The following MANBA variants were observed in gnomAD, a reference collection of about 807,000 sequenced individuals.
MANBA encodes the protein beta-mannosidase.
In MANBA, 83 loss-of-function variants were observed where a neutral mutation model predicts 111.1. The ratio of observed to expected loss-of-function variants is 0.75; its 90% confidence interval spans 0.63 to 0.90. The LOEUF is 0.90. Ranked by LOEUF, MANBA falls within the 40% of genes least tolerant of loss-of-function variation. MANBA has a pLI of 0.00. For synonymous variants in MANBA, 370 were observed against 378.7 expected, an observed-to-expected ratio of 0.98 and a Z score of 0.27; for missense variants, 1,036 against 1,069.0, an observed-to-expected ratio of 0.97 and a Z score of 0.43.
chr4:102,745,906 C>T (rs369020158), intron 1 of MANBA, among the ~76,000 whole-genome samples: 2 of 152,204 alleles, frequency 1.3e-5, no homozygotes, highest in African/African-American at 2.4e-5. Context: ...CTGAACCTCA[C>T]CTCTAGGGGT....
At chr4:102,650,904 C>T (rs1225513882) in intron 12 of MANBA, 1 of 570,688 alleles carries the variant, frequency 1.8e-6, no homozygotes. Context: ...ATCACAAAAC[C>T]AGGGTTTGGT....
At chr4:102,661,806 T>C (rs1730969991) in intron 11 of MANBA, among the ~76,000 whole-genome samples, 1 of 152,190 alleles carries the variant, frequency 6.6e-6, no homozygotes. Flanking sequence ...CTTAAACCCT[T>C]AGTTGGACCA....
intron 5 of MANBA, among the ~76,000 whole-genome samples, chr4:102,709,526 T>C (rs1288353235): frequency 6.6e-6 from 1 of 151,584 alleles, no homozygotes; most frequent in African/African-American, 2.4e-5. Flanking sequence ...CAGAAAAAAA[T>C]CCAGGACTGG....
chr4:102,676,014 A>G (rs1483371880), intron 7 of MANBA, among the ~76,000 whole-genome samples: 1 of 152,148 alleles, frequency 6.6e-6, no homozygotes, highest in East Asian at 1.9e-4. Flanking sequence ...TAACTGCACT[A>G]TCTGTCTATA....
intron 1 of MANBA, among the ~76,000 whole-genome samples, chr4:102,759,566 GAAA>G (rs33991375): frequency 2.2e-5 from 3 of 138,830 alleles, no homozygotes; most frequent in African/African-American, 7.9e-5. Flanking sequence ...CACATCTCAG[GAAA>G]AAAAAAAAAA....
In MANBA at chr4:102,664,681, T is replaced by G. The variant is rs1731135694; in HGVS notation, c.1485+4A>C. Reference sequence around the variant, plus strand: ...ATTCTACTGCATTAAAAATCATTACTTACTGCCAGTACGAGCTCTCTGATG... The same window carrying G: ...ATTCTACTGCATTAAAAATCATTACGTACTGCCAGTACGAGCTCTCTGATG... On this transcript the variant is annotated splice_donor_region_variant and intron_variant, in intron 11 of 16. Transcript: ENST00000647097. 1.2e-6 allele frequency: 2 copies of G among 1,607,742 alleles called. No homozygotes were observed. Among genetic ancestry groups the G allele is most frequent in the Non-Finnish European group, 1.7e-6 (2 of 1,174,216 alleles).
intron 5 of MANBA, among the ~76,000 whole-genome samples, chr4:102,704,209 C>T (rs545907720): frequency 2.6e-5 from 4 of 152,238 alleles, no homozygotes; most frequent in African/African-American, 9.6e-5. Flanking sequence ...ATTACTCTTT[C>T]TCCGTTGCAA....
intron 1 of MANBA, among the ~76,000 whole-genome samples, chr4:102,731,154 C>G (rs1406685134): frequency 1.3e-5 from 2 of 151,632 alleles, no homozygotes; most frequent in African/African-American, 4.9e-5. Flanking sequence ...TGGCACCCTT[C>G]TGCAGAAGTA....
At chr4:102,728,930 G>T (rs1722917194) in intron 1 of MANBA, 5 of 756,264 alleles carry the variant, frequency 6.6e-6, no homozygotes, top group Non-Finnish European at 1.2e-5. Flanking sequence ...ACCACTGGTG[G>T]TCTTTGTATG....
At chr4:102,640,455 T>C (rs909878520) in intron 13 of MANBA, among the ~76,000 whole-genome samples, 2 of 152,192 alleles carry the variant, frequency 1.3e-5, no homozygotes, top group Non-Finnish European at 2.9e-5. Flanking sequence ...ATGAGACAAA[T>C]GAATTTAGTT....
chr4:102,702,017 C>G (rs916983302), intron 5 of MANBA, among the ~76,000 whole-genome samples: 3 of 152,138 alleles, frequency 2.0e-5, no homozygotes, highest in African/African-American at 7.2e-5. Flanking sequence ...TAGATTTGGT[C>G]TTTTCACATA....
intron 8 of MANBA, chr4:102,671,888 C>G: frequency 2.4e-6 from 1 of 421,974 alleles, no homozygotes; most frequent in Non-Finnish European, 4.1e-6. Flanking sequence ...AATCTAGAAA[C>G]TTACAGGCAG....
Position 102,635,869 on chromosome 4 carries a change from AG to A in MANBA, c.2152del (p.Leu718SerfsTer3). 6.2e-7 allele frequency: 1 copy of A among 1,611,610 alleles called. No individual in the cohort carries two copies. The highest frequency in any genetic ancestry group is 1.1e-5 in the South Asian group (1 of 91,028). Reference protein sequence around the residue: ...SDLHSDYSMTLSVRVHTWSSL... With the variant: ...SDLHSDYSMTXSVRVHTWSSL... ...AAAACAATCCAAGTAACTTACACTG[AG>A]TGTCATCGAATAATCCGAGTGAAGA... is the stretch of plus-strand genomic sequence containing the variant. On this transcript the variant is annotated frameshift_variant, in exon 15 of 17. Coordinates refer to ENST00000647097, the MANE Select transcript of MANBA (RefSeq NM_005908.4). LOFTEE classifies it high-confidence loss of function.
chr4:102,740,536 C>T (rs1723364784), intron 1 of MANBA, among the ~76,000 whole-genome samples: 1 of 152,142 alleles, frequency 6.6e-6, no homozygotes, highest in African/African-American at 2.4e-5. Context: ...CATTACCTGA[C>T]TTCAAACTAT....
intron 1 of MANBA, among the ~76,000 whole-genome samples, 189 bp downstream of exon 1, chr4:102,760,529 C>T (rs1296130299): frequency 2.0e-5 from 3 of 152,228 alleles, no homozygotes; most frequent in Admixed American, 6.5e-5. Context: ...GTCGGTCGCT[C>T]AGTCTCCGTC....
intron 7 of MANBA, among the ~76,000 whole-genome samples, chr4:102,685,435 G>A (rs946602452): frequency 1.3e-5 from 2 of 151,928 alleles, no homozygotes; most frequent in African/African-American, 4.8e-5. Flanking sequence ...ACTTTAAATG[G>A]TCCTAGAGAC....
At chr4:102,683,782 T>C (rs1054133226) in intron 7 of MANBA, among the ~76,000 whole-genome samples, 1 of 152,242 alleles carries the variant, frequency 6.6e-6, no homozygotes, top group Non-Finnish European at 1.5e-5. Flanking sequence ...ATGATTTATT[T>C]GGCAGAATTT....
chr4:102,729,902 C>A, intron 1 of MANBA: 1 of 1,527,688 alleles, frequency 6.5e-7, no homozygotes. Flanking sequence ...GCTGCTTCTC[C>A]TGGGTGCGCA....
intron 1 of MANBA, among the ~76,000 whole-genome samples, chr4:102,741,573 G>A (rs1248850214): frequency 6.6e-6 from 1 of 152,198 alleles, no homozygotes; most frequent in East Asian, 1.9e-4. Context: ...TTTTTTAAAT[G>A]TGGTATATGT....
Sources: allele counts gnomAD v4.1 joint callset (sites outside exome capture counted in the v4.1 genomes callset), GRCh38; gene constraint gnomAD v4.1.1; transcripts MANE v1.5; gene names NCBI Gene and HGNC (gene_info 2026-07-23, HGNC 2026-07-21).